Variants in CNTNAP2 observed in about 807,000 individuals in gnomAD.
The protein encoded by CNTNAP2 is contactin-associated protein-like 2.
Under a neutral mutation model 155.2 loss-of-function variants are expected in CNTNAP2, and 98 were observed. That is an observed-to-expected ratio of 0.63 (90% confidence interval 0.54 to 0.75). The LOEUF (loss-of-function observed/expected upper bound fraction) is 0.75. CNTNAP2 is among the 30% of genes least tolerant of loss of function. CNTNAP2 has a pLI of 0.00. For synonymous variants in CNTNAP2, 651 were observed against 631.2 expected, an observed-to-expected ratio of 1.03 and a Z score of -0.47; for missense variants, 1,727 against 1,688.1, an observed-to-expected ratio of 1.02 and a Z score of -0.40.
At chr7:146,467,042 G>A (rs1796726598) in intron 1 of CNTNAP2, among the ~76,000 whole-genome samples, 1 of 151,962 alleles carries the variant, frequency 6.6e-6, no homozygotes, top group Non-Finnish European at 1.5e-5. Flanking sequence ...GGTATCATTG[G>A]GGGATTAATG....
At chr7:147,688,158 A>G (rs939024328) in intron 13 of CNTNAP2, among the ~76,000 whole-genome samples, 22 of 152,132 alleles carry the variant, frequency 1.4e-4, no homozygotes, top group Admixed American at 1.2e-3. Context: ...TTTAAAAAAT[A>G]TATCTTCTTA....
chr7:148,273,416 A>G lies in CNTNAP2; in HGVS notation c.3475+6290A>G, dbSNP rs78941180. 6.0e-3 allele frequency among the ~76,000 whole-genome samples: 915 copies of G among 152,362 alleles called. 7 individuals are homozygous for G. Among genetic ancestry groups the G allele is most frequent in the African/African-American group, 0.021 (860 of 41,588 alleles). On this transcript the variant is annotated intron_variant, in intron 21 of 23. Coordinates refer to ENST00000361727, the MANE Select transcript of CNTNAP2 (RefSeq NM_014141.6). Reference sequence around the variant, plus strand: ...AGAATATCAATGTACAGCGATCACCACATCACTGTGAGTTGTGTAATTACA... The same window carrying G: ...AGAATATCAATGTACAGCGATCACCGCATCACTGTGAGTTGTGTAATTACA...
intron 9 of CNTNAP2, among the ~76,000 whole-genome samples, chr7:147,323,237 A>T (rs1168545723): frequency 1.1e-5 from 1 of 91,580 alleles, no homozygotes; most frequent in African/African-American, 4.9e-5. Context: ...CCCTCTACAC[A>T]CTGCTTTGAA....
At chr7:147,794,063 T>C (rs851693) in intron 13 of CNTNAP2, among the ~76,000 whole-genome samples, 8,099 of 152,018 alleles carry the variant, frequency 0.053, 650 homozygotes, top group African/African-American at 0.18. Context: ...AGTGGATTCC[T>C]TATGATGTTT....
At chr7:147,317,798 GTA>G (rs796634955) in intron 9 of CNTNAP2, among the ~76,000 whole-genome samples, 140 of 85,320 alleles carry the variant, frequency 1.6e-3, no homozygotes, top group African/African-American at 7.0e-3. Context: ...GTGTGTGTGT[GTA>G]TATGTATATA....
intron 2 of CNTNAP2, among the ~76,000 whole-genome samples, chr7:146,837,255 T>C (rs1051854452): frequency 2.0e-5 from 3 of 152,084 alleles, no homozygotes; most frequent in Admixed American, 6.6e-5. Flanking sequence ...TTTTTAAGCC[T>C]TGTTTTTCCT....
intron 1 of CNTNAP2, among the ~76,000 whole-genome samples, chr7:146,739,954 G>A (rs1202688452): frequency 6.6e-6 from 1 of 151,610 alleles, no homozygotes; most frequent in Non-Finnish European, 1.5e-5. Context: ...TATAAATATA[G>A]CTACTTCTAT....
intron 1 of CNTNAP2, among the ~76,000 whole-genome samples, chr7:146,569,531 G>C (rs577720460): frequency 5.3e-5 from 8 of 152,306 alleles, no homozygotes; most frequent in Admixed American, 2.6e-4. Flanking sequence ...AGTAAAGTAA[G>C]TTAATCCTTT....
At chr7:147,467,885 G>C (rs566876638) in intron 10 of CNTNAP2, among the ~76,000 whole-genome samples, 5 of 151,792 alleles carry the variant, frequency 3.3e-5, no homozygotes, top group Non-Finnish European at 7.4e-5. Flanking sequence ...TTAAAAATCA[G>C]CCAGGCATGG....
intron 3 of CNTNAP2, among the ~76,000 whole-genome samples, chr7:147,029,928 T>C (rs1300737414): frequency 1.3e-5 from 2 of 152,214 alleles, no homozygotes; most frequent in African/African-American, 2.4e-5. Context: ...AGCTCTTGGT[T>C]CCACATTCAG....
intron 13 of CNTNAP2, among the ~76,000 whole-genome samples, chr7:147,891,847 CATA>C (rs560140891): frequency 4.5e-4 from 68 of 152,196 alleles, no homozygotes; most frequent in African/African-American, 1.6e-3. Context: ...ATACCAAAAA[CATA>C]ATGATAGTAC....
chr7:147,634,457 G>A (rs547872491), intron 12 of CNTNAP2, among the ~76,000 whole-genome samples: 47 of 152,232 alleles, frequency 3.1e-4, no homozygotes, highest in Middle Eastern at 3.4e-3. Context: ...TGGCGGGGAA[G>A]GGATGGGGTG....
At chr7:147,242,987 A>ATTTTCTTTTTTTTTTT (rs1803975054) in intron 8 of CNTNAP2, among the ~76,000 whole-genome samples, 1 of 47,168 alleles carries the variant, frequency 2.1e-5, no homozygotes, top group Non-Finnish European at 3.6e-5. Context: ...TATGCTTTGC[A>ATTTTCTTTTTTTTTTT]TTTTTTTTTT....
chr7:146,219,128 T>A (rs1799164843), intron 1 of CNTNAP2, among the ~76,000 whole-genome samples: 1 of 152,058 alleles, frequency 6.6e-6, no homozygotes, highest in Non-Finnish European at 1.5e-5. Flanking sequence ...AAATTGCCAT[T>A]TATAAGACCA....
chr7:146,326,676 GA>G (rs1229380760), intron 1 of CNTNAP2, among the ~76,000 whole-genome samples: 4 of 152,162 alleles, frequency 2.6e-5, no homozygotes, highest in African/African-American at 9.6e-5. Context: ...TTTTGCCACA[GA>G]AAAGCATCTC....
chr7:146,250,900 A>G (rs1799746007), intron 1 of CNTNAP2, among the ~76,000 whole-genome samples: 1 of 152,218 alleles, frequency 6.6e-6, no homozygotes, highest in African/African-American at 2.4e-5. Flanking sequence ...TACCATGCAT[A>G]CTGTCTTTCA....
At chr7:146,659,354 T>TTC (rs1800047265) in intron 1 of CNTNAP2, among the ~76,000 whole-genome samples, 1 of 152,058 alleles carries the variant, frequency 6.6e-6, no homozygotes, top group Non-Finnish European at 1.5e-5. Flanking sequence ...CAGAGTGGAG[T>TTC]TCTGTGTTGC....
chr7:148,004,396 G>T (rs1182140981), intron 15 of CNTNAP2, among the ~76,000 whole-genome samples: 3 of 152,010 alleles, frequency 2.0e-5, no homozygotes, highest in Admixed American at 1.3e-4. Flanking sequence ...AATTAAAATA[G>T]CCTTTTAAGT....
intron 22 of CNTNAP2, among the ~76,000 whole-genome samples, chr7:148,395,140 G>C (rs999624609): frequency 3.5e-5 from 4 of 115,758 alleles, no homozygotes; most frequent in African/African-American, 1.3e-4. Context: ...TTATTGATTA[G>C]ATTATGTGGC....
Sources: gnomAD v4.1 joint callset for allele counts (sites outside exome capture counted in the v4.1 genomes callset) on GRCh38, gnomAD v4.1.1 for gene constraint, MANE v1.5 for transcripts, NCBI Gene and HGNC (gene_info 2026-07-23, HGNC 2026-07-21) for gene names.